The following NUBPL variants were observed in gnomAD, a reference collection of about 807,000 sequenced individuals.
The protein encoded by NUBPL is NUBP iron-sulfur cluster assembly factor, mitochondrial.
Under a neutral mutation model 45.7 loss-of-function variants are expected in NUBPL, and 31 were observed. That is an observed-to-expected ratio of 0.68 (90% CI 0.51 to 0.92). NUBPL has a LOEUF of 0.92. Ranked by LOEUF, NUBPL falls within the 40% of genes least tolerant of loss-of-function variation. The pLI is 0.00. For synonymous variants in NUBPL, 144 were observed against 140.9 expected (o/e 1.02, Z -0.15); for missense variants, 401 against 398.7 (o/e 1.01, Z -0.05).
intron 6 of NUBPL, among the ~76,000 whole-genome samples, chr14:31,777,386 C>T (rs1328707714): frequency 6.6e-6 from 1 of 152,180 alleles, no homozygotes; most frequent in Non-Finnish European, 1.5e-5. Context: ...TTATGAGAGG[C>T]ACTCAAATGT....
chr14:31,726,990 A>C (rs1044337425), intron 6 of NUBPL, among the ~76,000 whole-genome samples: 1 of 152,154 alleles, frequency 6.6e-6, no homozygotes, highest in African/African-American at 2.4e-5. Flanking sequence ...CATAGCAATA[A>C]AAAATATCTT....
intron 6 of NUBPL, among the ~76,000 whole-genome samples, chr14:31,769,546 T>G (rs2038970458): frequency 6.6e-6 from 1 of 152,138 alleles, no homozygotes; most frequent in East Asian, 1.9e-4. Flanking sequence ...TTTTACAAAA[T>G]TCAGCTAAGT....
At chr14:31,759,234 A>G (rs2138719535) in intron 6 of NUBPL, among the ~76,000 whole-genome samples, 1 of 152,094 alleles carries the variant, frequency 6.6e-6, no homozygotes, top group Non-Finnish European at 1.5e-5. Flanking sequence ...TATTTAATAC[A>G]GCTTTATTGT....
intron 4 of NUBPL, among the ~76,000 whole-genome samples, chr14:31,658,701 G>A (rs941441164): frequency 1.3e-5 from 2 of 152,030 alleles, no homozygotes; most frequent in South Asian, 2.1e-4. Flanking sequence ...TAGTAGGGAC[G>A]GGGTTTCACC....
intron 6 of NUBPL, among the ~76,000 whole-genome samples, chr14:31,680,763 G>A (rs1262607376): frequency 6.6e-6 from 1 of 152,002 alleles, no homozygotes; most frequent in Non-Finnish European, 1.5e-5. Context: ...AACTAATACG[G>A]TGTAAATAGT....
At chr14:31,857,441 CT>C (rs1439341433) in intron 10 of NUBPL, among the ~76,000 whole-genome samples, 1 of 152,190 alleles carries the variant, frequency 6.6e-6, no homozygotes, top group Non-Finnish European at 1.5e-5. Flanking sequence ...CATTCGGCTC[CT>C]AGTTACTTAT....
intron 4 of NUBPL, among the ~76,000 whole-genome samples, chr14:31,627,567 A>G (rs960536838): frequency 8.6e-5 from 13 of 152,002 alleles, no homozygotes; most frequent in African/African-American, 3.1e-4. Context: ...TCACGAGGTC[A>G]GGAGATCGAG....
chr14:31,820,441 A>G (rs932527603), intron 7 of NUBPL, among the ~76,000 whole-genome samples: 1 of 152,222 alleles, frequency 6.6e-6, no homozygotes, highest in Non-Finnish European at 1.5e-5. Context: ...AAGAATTATA[A>G]AGATGAAATG....
chr14:31,669,809 G>GTTTTTTTTTTTT (rs35705230), intron 4 of NUBPL, among the ~76,000 whole-genome samples: 1 of 51,530 alleles, frequency 1.9e-5, no homozygotes, highest in Non-Finnish European at 3.1e-5. Flanking sequence ...TTTTTTTTTT[G>GTTTTTTTTTTTT]TTTTTTTTTT....
intron 6 of NUBPL, among the ~76,000 whole-genome samples, chr14:31,710,136 A>G (rs1566515678): frequency 6.6e-6 from 1 of 152,104 alleles, no homozygotes. Context: ...CAGAAAAAAA[A>G]TGTGTCACCT....
chr14:31,809,481 A>G (rs1487433757), intron 7 of NUBPL, among the ~76,000 whole-genome samples: 3 of 151,800 alleles, frequency 2.0e-5, no homozygotes, highest in Non-Finnish European at 2.9e-5. Context: ...ATCATTTTTT[A>G]TTGTGTCTTT....
chr14:31,815,445 T>C (rs981027609), intron 7 of NUBPL, among the ~76,000 whole-genome samples: 1 of 152,210 alleles, frequency 6.6e-6, no homozygotes, highest in African/African-American at 2.4e-5. Flanking sequence ...GCTGAGACGA[T>C]GGGGTTTTCT....
intron 3 of NUBPL, among the ~76,000 whole-genome samples, chr14:31,582,275 G>A (rs546195477): frequency 6.6e-6 from 1 of 151,722 alleles, no homozygotes; most frequent in Admixed American, 6.6e-5. Context: ...TAGATAATAG[G>A]ATAAAGGGGG....
chr14:31,639,677 A>G (rs1310499762), intron 4 of NUBPL, among the ~76,000 whole-genome samples: 5 of 152,088 alleles, frequency 3.3e-5, no homozygotes, highest in African/African-American at 9.7e-5. Flanking sequence ...TCTGTGCCCT[A>G]CCCCAGAGAT....
At chr14:31,628,915 A>C (rs1033025422) in intron 4 of NUBPL, among the ~76,000 whole-genome samples, 2 of 152,188 alleles carry the variant, frequency 1.3e-5, no homozygotes, top group African/African-American at 2.4e-5. Context: ...ATGGTGGTGA[A>C]GAATATGATG....
intron 7 of NUBPL, among the ~76,000 whole-genome samples, chr14:31,789,025 G>A (rs958300035): frequency 6.6e-6 from 1 of 152,144 alleles, no homozygotes; most frequent in Non-Finnish European, 1.5e-5. Context: ...AGTGAACACT[G>A]GATAAGAATA....
chr14:31,768,517 T>C (rs1051306655), intron 6 of NUBPL, among the ~76,000 whole-genome samples: 1 of 152,170 alleles, frequency 6.6e-6, no homozygotes. Context: ...AAACCTCTGG[T>C]GCTTAACTAC....
chr14:31,615,766 T>C (rs974895151), intron 4 of NUBPL, among the ~76,000 whole-genome samples: 8 of 152,218 alleles, frequency 5.3e-5, no homozygotes, highest in African/African-American at 1.9e-4. Flanking sequence ...TACGTGTGCA[T>C]GTGTCTTTAT....
chr14:31,857,153 C>T (rs746083716), intron 10 of NUBPL, among the ~76,000 whole-genome samples: 8 of 152,184 alleles, frequency 5.3e-5, no homozygotes, highest in Non-Finnish European at 1.2e-4. Flanking sequence ...TTTCTGTGCA[C>T]CCACAAGCTC....
Sources: allele counts gnomAD v4.1 joint callset (sites outside exome capture counted in the v4.1 genomes callset), GRCh38; gene constraint gnomAD v4.1.1; transcripts MANE v1.5; gene names NCBI Gene and HGNC (gene_info 2026-07-23, HGNC 2026-07-21).